The following OPHN1 variants were observed in gnomAD, a reference collection of about 807,000 sequenced individuals.
OPHN1 encodes oligophrenin 1, also known as oligophrenin-1.
OPHN1 carries 11 observed loss-of-function variants against 60.7 expected under a neutral mutation model. The ratio of observed to expected loss-of-function variants is 0.18; its 90% CI spans 0.11 to 0.30. The LOEUF (loss-of-function observed/expected upper bound fraction) is 0.30, where lower values mean the gene tolerates loss of function less well. Ranked by LOEUF, OPHN1 falls within the 10% of genes least tolerant of loss-of-function variation. The probability of loss-of-function intolerance (pLI) is 1.00; values close to 1 mark genes in which losing one functional copy is unlikely to be tolerated. For synonymous variants in OPHN1, 226 were observed against 222.6 expected (o/e 1.02, Z -0.14); for missense variants, 449 against 611.0 (o/e 0.73, Z 2.80).
chrX:68,096,846 G>A lies in OPHN1; in HGVS notation c.1686+24C>T, dbSNP rs764399786. The A allele has an allele frequency of 1.4e-4, 169 of 1,199,425 alleles. 1 individual carries two copies. The highest frequency in any genetic ancestry group is 1.6e-4 in the South Asian group (9 of 56,519). Reference sequence around the variant, plus strand: ...AAAGTGTCACATGTTTGGAAGACAGGTAGTGAGAATAGAAAATGCATACCT... The same window carrying A: ...AAAGTGTCACATGTTTGGAAGACAGATAGTGAGAATAGAAAATGCATACCT... On this transcript the variant is annotated intron_variant, in intron 19 of 24. Transcript: ENST00000355520.
chrX:68,269,298 G>T (rs1409858479), intron 5 of OPHN1, among the ~76,000 whole-genome samples: 2 of 111,429 alleles, frequency 1.8e-5, no homozygotes, highest in African/African-American at 6.5e-5. Flanking sequence ...TAAGCCAAAA[G>T]AACAAAGCTG....
At chrX:68,403,153 T>A (rs1184694380) in intron 2 of OPHN1, among the ~76,000 whole-genome samples, 1 of 112,018 alleles carries the variant, frequency 8.9e-6, no homozygotes, top group Admixed American at 9.5e-5. Context: ...TGTCCCTGTG[T>A]GTTAAATAGG....
intron 15 of OPHN1, among the ~76,000 whole-genome samples, chrX:68,154,188 C>G (rs1326221756): frequency 8.9e-6 from 1 of 112,466 alleles, no homozygotes; most frequent in East Asian, 2.8e-4. Flanking sequence ...ATGTTCCTCA[C>G]TATAACTCTA....
intron 2 of OPHN1, among the ~76,000 whole-genome samples, chrX:68,327,751 C>G (rs1314566670): frequency 1.5e-5 from 1 of 67,983 alleles, no homozygotes; most frequent in Non-Finnish European, 2.5e-5. Flanking sequence ...TCCCCCTCTG[C>G]GAGAAACACC....
At chrX:68,062,742 A>G (rs1365153564) in intron 21 of OPHN1, among the ~76,000 whole-genome samples, 1 of 112,584 alleles carries the variant, frequency 8.9e-6, no homozygotes, top group African/African-American at 3.2e-5. Flanking sequence ...GCTACAAAGT[A>G]AAAGAGCTAG....
At chrX:68,352,102 T>C (rs990023537) in intron 2 of OPHN1, among the ~76,000 whole-genome samples, 1 of 108,844 alleles carries the variant, frequency 9.2e-6, no homozygotes, top group Non-Finnish European at 1.9e-5. Context: ...GATGATCTCC[T>C]GACCTCGTGA....
intron 15 of OPHN1, among the ~76,000 whole-genome samples, chrX:68,119,796 C>A (rs1175788564): frequency 9.0e-6 from 1 of 111,285 alleles, no homozygotes; most frequent in African/African-American, 3.3e-5. Flanking sequence ...GGGCCCAGTC[C>A]AAAAGGGGCT....
At position 68,044,585 on chromosome X, in the gene OPHN1, C is replaced by T. The variant is rs893371633; in HGVS notation, c.*2587G>A. 7.1e-5 allele frequency: 8 copies of T among 112,777 alleles called. No individual in the cohort carries two copies. Among genetic ancestry groups the T allele is most frequent in the African/African-American group, 2.6e-4 (8 of 31,038 alleles). 9.3% of individuals were successfully genotyped at this position (112,777 alleles called of 1,213,427 possible). On this transcript the variant is annotated 3_prime_UTR_variant, in exon 25 of 25. Transcript: ENST00000355520. The stretch of plus-strand genomic sequence containing the variant: ...TTCTATTATCACCCTCTTCCCATAG[C>T]CTCTGCAAAATGACTGCCCATCCAT...
At chrX:68,405,820 T>C (rs1335512987) in intron 2 of OPHN1, among the ~76,000 whole-genome samples, 1 of 111,416 alleles carries the variant, frequency 9.0e-6, no homozygotes, top group Non-Finnish European at 1.9e-5. Context: ...TGGGACATAA[T>C]GGGCTAAGAG....
At position 68,059,116 on chromosome X, in the gene OPHN1, T is replaced by C. The variant is rs766631665; in HGVS notation, c.2158+4738A>G. Among the ~76,000 whole-genome samples, 4 of 112,101 alleles carry C rather than the reference T, an allele frequency of 3.6e-5. No homozygotes were observed. The South Asian group carries it at 1.1e-3, about 32-fold the overall frequency. On this transcript the variant is annotated intron_variant, in intron 21 of 24. Transcript: ENST00000355520. ...TTAACCACTAAGTCACTTGAGCCTATAGGCTTTCCACCAAGCTGTACTTCT... is the reference window on the plus strand; with the variant it reads ...TTAACCACTAAGTCACTTGAGCCTACAGGCTTTCCACCAAGCTGTACTTCT...
intron 2 of OPHN1, among the ~76,000 whole-genome samples, chrX:68,324,449 A>AT: frequency 9.4e-6 from 1 of 106,235 alleles, no homozygotes; most frequent in Admixed American, 1.0e-4. Flanking sequence ...CAAAAATTAA[A>AT]AAAAAAAAAA....
At chrX:68,124,993 G>A (rs1190404470) in intron 15 of OPHN1, among the ~76,000 whole-genome samples, 1 of 111,154 alleles carries the variant, frequency 9.0e-6, no homozygotes, top group East Asian at 2.8e-4. Context: ...ATAATATCAA[G>A]TATCTTCTCT....
chrX:68,162,739 A>G (rs938423859), intron 15 of OPHN1, among the ~76,000 whole-genome samples: 1 of 111,251 alleles, frequency 9.0e-6, no homozygotes, highest in East Asian at 2.8e-4. Flanking sequence ...GGTTTTAGGA[A>G]TATGTTTTAT....
At chrX:68,166,250 T>C (rs922992874) in intron 15 of OPHN1, among the ~76,000 whole-genome samples, 3 of 112,358 alleles carry the variant, frequency 2.7e-5, no homozygotes, top group Admixed American at 9.5e-5. Flanking sequence ...AAATAAGCCA[T>C]TGGCCAGGCA....
At chrX:68,303,642 T>C (rs2078131579) in intron 2 of OPHN1, among the ~76,000 whole-genome samples, 1 of 103,831 alleles carries the variant, frequency 9.6e-6, no homozygotes. Flanking sequence ...AAGTGAAATT[T>C]CATCTCAAAA....
chrX:68,419,886 T>C (rs1016423701), intron 2 of OPHN1, among the ~76,000 whole-genome samples: 2 of 111,349 alleles, frequency 1.8e-5, no homozygotes, highest in African/African-American at 6.5e-5. Context: ...AAAGACGTAA[T>C]GAAAAATGCC....
intron 20 of OPHN1, among the ~76,000 whole-genome samples, chrX:68,066,154 A>G (rs1733161848): frequency 8.9e-6 from 1 of 112,562 alleles, no homozygotes; most frequent in South Asian, 3.7e-4. Context: ...CTTTAAACAC[A>G]GCACTCAGGA....
intron 15 of OPHN1, among the ~76,000 whole-genome samples, chrX:68,179,706 A>G (rs2077428823): frequency 9.0e-6 from 1 of 111,655 alleles, no homozygotes; most frequent in Non-Finnish European, 1.9e-5. Flanking sequence ...GTCTTAGTCA[A>G]TTTTCTGCTG....
intron 15 of OPHN1, among the ~76,000 whole-genome samples, chrX:68,178,702 C>A (rs2077424358): frequency 8.9e-6 from 1 of 112,101 alleles, no homozygotes; most frequent in African/African-American, 3.2e-5. Flanking sequence ...CTGCGCCCAG[C>A]CCAGGTCTAC....
Sources: allele counts gnomAD v4.1 joint callset (sites outside exome capture counted in the v4.1 genomes callset), GRCh38; gene constraint gnomAD v4.1.1; transcripts MANE v1.5; gene names NCBI Gene and HGNC (gene_info 2026-07-23, HGNC 2026-07-21).